Variants in NLGN1 observed in about 807,000 individuals in gnomAD.
The protein encoded by NLGN1 is neuroligin-1.
Under a neutral mutation model 65.5 loss-of-function variants are expected in NLGN1, and 12 were observed. The ratio of observed to expected loss-of-function variants is 0.18; its 90% confidence interval spans 0.12 to 0.30. The LOEUF is 0.30. NLGN1 is among the 10% of genes least tolerant of loss of function. The pLI, the probability that NLGN1 is intolerant of heterozygous loss-of-function variation, is 1.00. For synonymous variants in NLGN1, 350 were observed against 359.5 expected (o/e 0.97, Z 0.30); for missense variants, 750 against 1,007.1 (o/e 0.74, Z 3.46).
At chr3:173,697,345 C>T (rs533196349) in intron 3 of NLGN1, among the ~76,000 whole-genome samples, 4 of 152,014 alleles carry the variant, frequency 2.6e-5, no homozygotes, top group African/African-American at 9.6e-5. Context: ...GGCAATCTGC[C>T]CTACCTTTAC....
intron 4 of NLGN1, among the ~76,000 whole-genome samples, chr3:174,246,473 G>C (rs1743815659): frequency 6.6e-6 from 1 of 152,166 alleles, no homozygotes; most frequent in African/African-American, 2.4e-5. Flanking sequence ...AGGCTGGAAT[G>C]CGTGGCCTGA....
At chr3:174,198,012 A>G (rs1467192351) in intron 4 of NLGN1, among the ~76,000 whole-genome samples, 1 of 152,062 alleles carries the variant, frequency 6.6e-6, no homozygotes, top group Non-Finnish European at 1.5e-5. Flanking sequence ...AAAATTTGAG[A>G]TGGTTCCTGT....
At chr3:173,540,889 G>T (rs551988334) in intron 2 of NLGN1, among the ~76,000 whole-genome samples, 12 of 152,200 alleles carry the variant, frequency 7.9e-5, no homozygotes, top group Middle Eastern at 3.4e-3. Flanking sequence ...TCACTGAAGG[G>T]TTTAGTTCAT....
At chr3:174,154,339 T>C (rs1880587) in intron 4 of NLGN1, among the ~76,000 whole-genome samples, 1 of 152,016 alleles carries the variant, frequency 6.6e-6, no homozygotes, top group African/African-American at 2.4e-5. Context: ...AAAAATAAGA[T>C]TGCATTTCCG....
chr3:173,866,746 C>G (rs998724718), intron 4 of NLGN1, among the ~76,000 whole-genome samples: 2 of 152,054 alleles, frequency 1.3e-5, no homozygotes, highest in Non-Finnish European at 2.9e-5. Flanking sequence ...TTCAATAAAG[C>G]CATGTTTTCT....
At chr3:173,977,368 G>A (rs1717735213) in intron 4 of NLGN1, among the ~76,000 whole-genome samples, 1 of 151,982 alleles carries the variant, frequency 6.6e-6, no homozygotes, top group Non-Finnish European at 1.5e-5. Context: ...TGTAATGTGA[G>A]GGATCATGGC....
chr3:173,674,217 CTT>C (rs371743877), intron 3 of NLGN1, among the ~76,000 whole-genome samples: 6 of 152,068 alleles, frequency 3.9e-5, no homozygotes. Context: ...AAATTGTAGA[CTT>C]TTGACAGATT....
intron 4 of NLGN1, among the ~76,000 whole-genome samples, chr3:173,859,105 C>CTAT (rs1192631054): frequency 2.0e-5 from 3 of 151,796 alleles, no homozygotes; most frequent in African/African-American, 7.3e-5. Context: ...TCAATAAAAC[C>CTAT]TGAAATGCTT....
In NLGN1 at chr3:174,026,882, C is replaced by T. The variant is rs548854084; in HGVS notation, c.646+219050C>T. Among the ~76,000 whole-genome samples, 60 of 152,158 alleles carry T rather than the reference C, an allele frequency of 3.9e-4. 2 individuals are homozygous for T. In the East Asian group the frequency reaches 0.011, roughly 29 times the overall value. On this transcript the variant is annotated intron_variant, in intron 4 of 6. Transcript: ENST00000457714. ...TTTTATTCTCTTTTTATATTGCATA[C>T]TGCTTTTGTACTAAATATTTACATA...
chr3:173,806,973 G>GAC (rs539615394), intron 3 of NLGN1, among the ~76,000 whole-genome samples: 120 of 152,094 alleles, frequency 7.9e-4, no homozygotes, highest in Non-Finnish European at 1.3e-3. Context: ...ATATTTGTCT[G>GAC]TTCTCTTCTT....
chr3:173,779,752 T>C (rs1780849449), intron 3 of NLGN1, among the ~76,000 whole-genome samples: 1 of 152,094 alleles, frequency 6.6e-6, no homozygotes, highest in Admixed American at 6.5e-5. Context: ...TAAGTGGATT[T>C]TGAGGAGAGT....
chr3:173,461,159 T>C (rs1376619059), intron 2 of NLGN1, among the ~76,000 whole-genome samples: 1 of 152,114 alleles, frequency 6.6e-6, no homozygotes, highest in South Asian at 2.1e-4. Context: ...TGTAAGGAAA[T>C]CAATCAAAGA....
intron 2 of NLGN1, among the ~76,000 whole-genome samples, chr3:173,444,716 G>GTGTC (rs955735226): frequency 2.6e-5 from 4 of 151,854 alleles, no homozygotes; most frequent in African/African-American, 9.7e-5. Context: ...ATATATTGCA[G>GTGTC]TGTCTATCTA....
At chr3:174,273,326 C>T (rs1224143928) in intron 4 of NLGN1, among the ~76,000 whole-genome samples, 2 of 151,498 alleles carry the variant, frequency 1.3e-5, no homozygotes, top group Non-Finnish European at 3.0e-5. Context: ...TATCCTTTTT[C>T]CTTCAAGAGT....
intron 3 of NLGN1, among the ~76,000 whole-genome samples, chr3:173,663,283 A>G (rs2149699857): frequency 6.6e-6 from 1 of 152,122 alleles, no homozygotes; most frequent in South Asian, 2.1e-4. Flanking sequence ...AAAGCTGTTT[A>G]AGACAGACAC....
intron 3 of NLGN1, among the ~76,000 whole-genome samples, chr3:173,668,370 G>A (rs941815753): frequency 3.9e-5 from 6 of 152,062 alleles, no homozygotes; most frequent in Non-Finnish European, 5.9e-5. Context: ...ACCAAAATGC[G>A]TGCATTTTAG....
At chr3:174,265,782 T>TATATATATAC (rs66906566) in intron 4 of NLGN1, among the ~76,000 whole-genome samples, 1 of 101,124 alleles carries the variant, frequency 9.9e-6, no homozygotes, top group African/African-American at 5.0e-5. Flanking sequence ...TATATATATA[T>TATATATATAC]GTATATATAT....
At chr3:173,838,644 G>A (rs946805624) in intron 4 of NLGN1, among the ~76,000 whole-genome samples, 3 of 152,020 alleles carry the variant, frequency 2.0e-5, no homozygotes, top group Non-Finnish European at 2.9e-5. Flanking sequence ...AAAAAAAAAT[G>A]TCGAATGAAT....
At chr3:173,550,895 T>C (rs1740741205) in intron 2 of NLGN1, among the ~76,000 whole-genome samples, 2 of 152,168 alleles carry the variant, frequency 1.3e-5, no homozygotes, top group Non-Finnish European at 2.9e-5. Flanking sequence ...AAGGGATACA[T>C]TTTTATTTAA....
Sources: gnomAD v4.1 joint callset for allele counts (sites outside exome capture counted in the v4.1 genomes callset) on GRCh38, gnomAD v4.1.1 for gene constraint, MANE v1.5 for transcripts, NCBI Gene and HGNC (gene_info 2026-07-23, HGNC 2026-07-21) for gene names.